Variants in GALNTL6 observed in about 807,000 individuals in gnomAD.
The protein encoded by GALNTL6 is polypeptide N-acetylgalactosaminyltransferase-like 6.
GALNTL6 carries 46 observed loss-of-function variants against 73.7 expected under a neutral mutation model. The ratio of observed to expected loss-of-function variants is 0.62; its 90% CI spans 0.49 to 0.80. GALNTL6 has a LOEUF of 0.80. Among genes scored for constraint, GALNTL6 ranks in the 30% least tolerant of loss-of-function variants. GALNTL6 has a pLI of 0.00. For missense variants in GALNTL6, 604 were observed against 755.0 expected (o/e 0.80, Z 2.34); for synonymous variants, 259 against 263.7 (o/e 0.98, Z 0.17).
intron 2 of GALNTL6, among the ~76,000 whole-genome samples, chr4:171,929,763 T>C (rs372569337): frequency 1.3e-5 from 2 of 152,188 alleles, no homozygotes; most frequent in East Asian, 3.9e-4. Flanking sequence ...GGGCCCTGCC[T>C]TCCTGGAGAG....
intron 5 of GALNTL6, among the ~76,000 whole-genome samples, chr4:172,561,553 C>A (rs1736368880): frequency 6.6e-6 from 1 of 152,144 alleles, no homozygotes; most frequent in African/African-American, 2.4e-5. Flanking sequence ...TCCAATAATA[C>A]CACCCCAAGT....
At chr4:172,478,465 A>G (rs1733321709) in intron 5 of GALNTL6, among the ~76,000 whole-genome samples, 1 of 152,226 alleles carries the variant, frequency 6.6e-6, no homozygotes, top group Non-Finnish European at 1.5e-5. Flanking sequence ...ACATAGGCAG[A>G]AGAATTAAAC....
intron 2 of GALNTL6, among the ~76,000 whole-genome samples, chr4:171,867,283 A>G (rs553953443): frequency 6.6e-6 from 1 of 152,282 alleles, no homozygotes; most frequent in South Asian, 2.1e-4. Flanking sequence ...ATGTTTCCCA[A>G]TTCAGTTGAC....
At chr4:171,844,375 T>A (rs777570047) in intron 2 of GALNTL6, among the ~76,000 whole-genome samples, 4 of 152,186 alleles carry the variant, frequency 2.6e-5, no homozygotes, top group Non-Finnish European at 4.4e-5. Context: ...TCATTGTCAC[T>A]TTCGTGTTCA....
intron 5 of GALNTL6, among the ~76,000 whole-genome samples, chr4:172,470,086 TC>T (rs1370839778): frequency 6.6e-6 from 1 of 152,186 alleles, no homozygotes; most frequent in Non-Finnish European, 1.5e-5. Context: ...CATGGACTGA[TC>T]CAGGTGTAGC....
At position 172,476,881 on chromosome 4, in the gene GALNTL6, A is replaced by G. The variant is rs572133217; in HGVS notation, c.553+128192A>G. Among the ~76,000 whole-genome samples the G allele has an allele frequency of 8.0e-5, 12 of 149,556 alleles. No homozygotes were observed. In the East Asian group the frequency reaches 2.2e-3, roughly 27 times the overall value. On this transcript the variant is annotated intron_variant, in intron 5 of 12. Coordinates refer to ENST00000506823, the MANE Select transcript of GALNTL6 (RefSeq NM_001034845.3). ...ATTTTCCAAATAGTACATTCTATTTATTTTAACTATATCAAACAAACATAA... is the reference window on the plus strand; with the variant it reads ...ATTTTCCAAATAGTACATTCTATTTGTTTTAACTATATCAAACAAACATAA...
chr4:172,155,705 T>A (rs1734233254), intron 2 of GALNTL6, among the ~76,000 whole-genome samples: 1 of 152,228 alleles, frequency 6.6e-6, no homozygotes, highest in South Asian at 2.1e-4. Flanking sequence ...CTTTACCTAT[T>A]ATGTAATTCT....
intron 4 of GALNTL6, among the ~76,000 whole-genome samples, chr4:172,327,762 C>T (rs1176152974): frequency 6.6e-6 from 1 of 151,874 alleles, no homozygotes; most frequent in Non-Finnish European, 1.5e-5. Context: ...TCCTCCATTT[C>T]TTTATTTTGA....
chr4:173,031,409 T>G (rs1027640333), intron 12 of GALNTL6, among the ~76,000 whole-genome samples: 4 of 152,242 alleles, frequency 2.6e-5, no homozygotes, highest in African/African-American at 9.6e-5. Context: ...TTTTAACTAT[T>G]TAGTTATAGC....
At chr4:172,990,277 G>A (rs1429256633) in intron 10 of GALNTL6, among the ~76,000 whole-genome samples, 5 of 152,016 alleles carry the variant, frequency 3.3e-5, no homozygotes, top group Non-Finnish European at 5.9e-5. Flanking sequence ...AAAACTCACG[G>A]GTAGTTTCCA....
rs146415769 is a variant in GALNTL6 at position 172,770,265 on chromosome 4, CAATAAATA to C, written c.554-39066_554-39059del. 5.4e-4 allele frequency among the ~76,000 whole-genome samples: 77 copies of C among 141,346 alleles called. 1 individual carries two copies. In the South Asian group the frequency reaches 6.7e-3, roughly 12 times the overall value. 92.7% of individuals were successfully genotyped at this position (141,346 alleles called of 152,430 possible). On this transcript the variant is annotated intron_variant, in intron 5 of 12. Coordinates refer to ENST00000506823, the MANE Select transcript of GALNTL6 (RefSeq NM_001034845.3). The stretch of plus-strand genomic sequence containing the variant: ...TGGGCAATAGAGCAGGACTCCATCT[CAATAAATA>C]AATAAATAAATAAATAAATAAATAA...
At chr4:172,353,468 A>G (rs975168757) in intron 5 of GALNTL6, among the ~76,000 whole-genome samples, 5 of 152,170 alleles carry the variant, frequency 3.3e-5, no homozygotes, top group African/African-American at 1.2e-4. Context: ...ACAATATTTT[A>G]TGTAACGTTA....
intron 4 of GALNTL6, among the ~76,000 whole-genome samples, chr4:172,347,148 C>A (rs1741775587): frequency 6.6e-6 from 1 of 151,874 alleles, no homozygotes. Context: ...TGCCACCATA[C>A]CTGGCTAATA....
intron 2 of GALNTL6, among the ~76,000 whole-genome samples, chr4:171,842,565 C>G (rs767706895): frequency 6.6e-6 from 1 of 151,906 alleles, no homozygotes; most frequent in Non-Finnish European, 1.5e-5. Context: ...TCTGGTGAGG[C>G]CTCAGGAAGC....
At chr4:172,377,727 T>G (rs1196697428) in intron 5 of GALNTL6, among the ~76,000 whole-genome samples, 1 of 152,006 alleles carries the variant, frequency 6.6e-6, no homozygotes, top group Non-Finnish European at 1.5e-5. Flanking sequence ...GCGGCACGGG[T>G]AGGCTGGCAG....
At chr4:172,595,583 T>A (rs1032086813) in intron 5 of GALNTL6, among the ~76,000 whole-genome samples, 3 of 152,232 alleles carry the variant, frequency 2.0e-5, no homozygotes, top group Admixed American at 6.5e-5. Flanking sequence ...TATTGTTATA[T>A]TTAAAGTATA....
chr4:172,116,733 T>C (rs972255270), intron 2 of GALNTL6, among the ~76,000 whole-genome samples: 2 of 152,196 alleles, frequency 1.3e-5, no homozygotes, highest in African/African-American at 4.8e-5. Flanking sequence ...AAGCACACTT[T>C]TTAAAACAGC....
At chr4:171,926,767 A>G (rs572744407) in intron 2 of GALNTL6, among the ~76,000 whole-genome samples, 2 of 152,162 alleles carry the variant, frequency 1.3e-5, no homozygotes, top group South Asian at 4.2e-4. Context: ...TGTGAATTTC[A>G]TGTCTGTATC....
At chr4:171,832,000 A>G (rs1734988587) in intron 2 of GALNTL6, among the ~76,000 whole-genome samples, 3 of 151,386 alleles carry the variant, frequency 2.0e-5, no homozygotes, top group Admixed American at 6.6e-5. Context: ...ACATATTTCT[A>G]CTTATTTGAG....
Sources: allele counts gnomAD v4.1 joint callset (sites outside exome capture counted in the v4.1 genomes callset), GRCh38; gene constraint gnomAD v4.1.1; transcripts MANE v1.5; gene names NCBI Gene and HGNC (gene_info 2026-07-23, HGNC 2026-07-21).